The following FGF14 variants were observed in gnomAD, a reference collection of about 807,000 sequenced individuals.
FGF14 encodes the protein fibroblast growth factor 14, also known as fibroblast growth factor homologous factor 4.
A neutral mutation model predicts 25.5 loss-of-function variants in FGF14; 5 were observed. The ratio of observed to expected loss-of-function variants is 0.20; its 90% CI spans 0.10 to 0.41. FGF14 has a LOEUF of 0.41. Ranked by LOEUF, FGF14 falls within the 10% of genes least tolerant of loss-of-function variation. The probability of loss-of-function intolerance (pLI) is 1.00; values close to 1 mark genes in which losing one functional copy is unlikely to be tolerated. For missense variants in FGF14, 222 were observed against 320.1 expected, an observed-to-expected ratio of 0.69 and a Z score of 2.34; for synonymous variants, 138 against 118.3, an observed-to-expected ratio of 1.17 and a Z score of -1.08.
At chr13:101,876,724 C>A (rs2045414263) in intron 1 of FGF14, among the ~76,000 whole-genome samples, 1 of 152,094 alleles carries the variant, frequency 6.6e-6, no homozygotes, top group Non-Finnish European at 1.5e-5. Context: ...GTGATTATTG[C>A]ATTGCGTTAC....
chr13:102,267,357 G>T (rs909179869), intron 1 of FGF14, among the ~76,000 whole-genome samples: 2 of 152,100 alleles, frequency 1.3e-5, no homozygotes, highest in African/African-American at 4.8e-5. Flanking sequence ...GAGCATTTCA[G>T]ACATCAACTT....
At chr13:102,283,566 T>C (rs779694007) in intron 1 of FGF14, among the ~76,000 whole-genome samples, 12 of 152,218 alleles carry the variant, frequency 7.9e-5, no homozygotes, top group Non-Finnish European at 1.3e-4. Flanking sequence ...TATTTCACCA[T>C]TTCTTCAAAT....
intron 3 of FGF14, among the ~76,000 whole-genome samples, chr13:101,735,337 A>G (rs943125509): frequency 3.2e-4 from 48 of 152,148 alleles, no homozygotes; most frequent in African/African-American, 1.0e-3. Context: ...GAAAATATGT[A>G]TTTTATGCTG....
intron 1 of FGF14, among the ~76,000 whole-genome samples, chr13:102,229,040 C>T (rs2050955540): frequency 6.6e-6 from 1 of 152,060 alleles, no homozygotes; most frequent in Non-Finnish European, 1.5e-5. Context: ...AGCAGAATAT[C>T]TGTTTTTCTT....
chr13:102,393,866 G>A (rs900084121), intron 1 of FGF14: 1 of 152,178 alleles, frequency 6.6e-6, no homozygotes, highest in African/African-American at 2.4e-5. Flanking sequence ...GATCGCTAAG[G>A]TCAACCTCTT....
chr13:102,073,704 A>AGG (rs2043239640), intron 1 of FGF14, among the ~76,000 whole-genome samples: 1 of 152,238 alleles, frequency 6.6e-6, no homozygotes. Context: ...ATAACAATCA[A>AGG]ATGGAAGATC....
At chr13:102,281,143 T>C (rs2053813424) in intron 1 of FGF14, among the ~76,000 whole-genome samples, 1 of 152,202 alleles carries the variant, frequency 6.6e-6, no homozygotes, top group African/African-American at 2.4e-5. Flanking sequence ...TAAGGAATTC[T>C]AAATGAAATC....
At position 101,722,292 on chromosome 13, in the gene FGF14, GC is replaced by G. The variant is rs2035047574; in HGVS notation, c.*538del. The stretch of plus-strand genomic sequence containing the variant: ...GATTGCTCTCCGACCTAAGCCAACT[GC>G]AACATTTAAGATTTAGAGGAACAAA... On this transcript the variant is annotated 3_prime_UTR_variant, in exon 5 of 5. Coordinates refer to ENST00000376143, the MANE Select transcript of FGF14 (RefSeq NM_004115.4). The G allele has an allele frequency of 5.4e-6, 1 of 184,372 alleles. No homozygotes were observed. Among genetic ancestry groups the G allele is most frequent in the African/African-American group, 2.4e-5 (1 of 41,812 alleles). 11.4% of individuals were successfully genotyped at this position (184,372 alleles called of 1,614,324 possible).
At position 101,879,818 on chromosome 13, in the gene FGF14, A is replaced by G. The variant is rs535451582; in HGVS notation, c.194-4522T>C. On this transcript the variant is annotated intron_variant, in intron 1 of 4. Coordinates refer to ENST00000376143, the MANE Select transcript of FGF14 (RefSeq NM_004115.4). ...GTAATGTACATTTTTGCAGAAAAAA[A>G]TGTGGCAGATCTAATTAGATTTTGG... 2.0e-5 allele frequency among the ~76,000 whole-genome samples: 3 copies of G among 152,322 alleles called. No individual in the cohort carries two copies. In the East Asian group the frequency reaches 5.8e-4, roughly 29 times the overall value.
At chr13:102,157,808 C>A (rs916234997) in intron 1 of FGF14, among the ~76,000 whole-genome samples, 1 of 152,156 alleles carries the variant, frequency 6.6e-6, no homozygotes, top group African/African-American at 2.4e-5. Flanking sequence ...CTACAAAGAA[C>A]TCAAACAAAT....
Position 102,373,146 on chromosome 13 carries a change from T to C in FGF14, c.208+28325A>G, listed in dbSNP as rs145384150. On this transcript the variant is annotated intron_variant, in intron 1 of 4. Transcript: ENST00000376131. The stretch of plus-strand genomic sequence containing the variant: ...GGTGGATGGTCTCAGGACAGATAAG[T>C]TCCTAAGCAAGAATACAGGCTTGCG... 6.2e-3 allele frequency among the ~76,000 whole-genome samples: 941 copies of C among 152,232 alleles called. 38 individuals carry two copies. The highest frequency in any genetic ancestry group is 3.5e-3 in the South Asian group (17 of 4,824).
At chr13:102,022,955 G>A (rs1422971441) in intron 1 of FGF14, among the ~76,000 whole-genome samples, 2 of 149,240 alleles carry the variant, frequency 1.3e-5, no homozygotes, top group South Asian at 4.4e-4. Context: ...GGCTCCCTAG[G>A]ACAAAGGCAA....
At chr13:101,872,550 GA>G (rs2045157924) in intron 2 of FGF14, among the ~76,000 whole-genome samples, 1 of 151,874 alleles carries the variant, frequency 6.6e-6, no homozygotes, top group African/African-American at 2.4e-5. Context: ...CTAGAGAAAA[GA>G]AAATGTCTTT....
intron 1 of FGF14, among the ~76,000 whole-genome samples, chr13:102,376,510 C>A (rs1263135528): frequency 6.6e-6 from 1 of 152,122 alleles, no homozygotes; most frequent in African/African-American, 2.4e-5. Flanking sequence ...TTTCAATTAG[C>A]AGTCAGACAC....
rs1295258467 is a variant in FGF14, at chr13:101,963,345, TTC to T, written c.209-88051_209-88050del. On this transcript the variant is annotated intron_variant, in intron 1 of 4. Coordinates refer to the FGF14 transcript ENST00000376131. Reference sequence around the variant, plus strand: ...TCAAATTTCAGTTGTTTTGGCTGTATTCTCTGACTCTACTAGATATACTGAGT... The same window carrying T: ...TCAAATTTCAGTTGTTTTGGCTGTATTCTGACTCTACTAGATATACTGAGT... Among the ~76,000 whole-genome samples the T allele has an allele frequency of 3.3e-5, 5 of 152,320 alleles. No homozygotes were observed. The East Asian group carries it at 5.8e-4, about 18-fold the overall frequency.
chr13:101,956,768 C>A (rs374275568), intron 1 of FGF14, among the ~76,000 whole-genome samples: 483 of 121,946 alleles, frequency 4.0e-3, no homozygotes, highest in South Asian at 5.8e-3. Flanking sequence ...TTCACTTTAC[C>A]AAAAAAAAAA....
intron 1 of FGF14, among the ~76,000 whole-genome samples, chr13:102,039,145 A>C (rs1321126007): frequency 6.6e-6 from 1 of 152,196 alleles, no homozygotes; most frequent in Non-Finnish European, 1.5e-5. Flanking sequence ...TTTAAAGTCT[A>C]TCTCTCGCCC....
intron 3 of FGF14, among the ~76,000 whole-genome samples, chr13:101,814,590 C>T (rs2041739306): frequency 6.6e-6 from 1 of 152,170 alleles, no homozygotes; most frequent in African/African-American, 2.4e-5. Context: ...ACTTTCATCC[C>T]TACCCCCAAG....
At chr13:101,747,414 C>A (rs2036960962) in intron 3 of FGF14, among the ~76,000 whole-genome samples, 1 of 151,976 alleles carries the variant, frequency 6.6e-6, no homozygotes, top group Non-Finnish European at 1.5e-5. Flanking sequence ...CAAAATGCTA[C>A]TTTGAAAATT....
Sources: allele counts gnomAD v4.1 joint callset (sites outside exome capture counted in the v4.1 genomes callset), GRCh38; gene constraint gnomAD v4.1.1; transcripts MANE v1.5; gene names NCBI Gene and HGNC (gene_info 2026-07-23, HGNC 2026-07-21).